The following EXOC4 variants were observed in gnomAD, a reference collection of about 807,000 sequenced individuals.
The protein encoded by EXOC4 is SEC8-like 1.
In EXOC4, 71 loss-of-function variants were observed where a neutral mutation model predicts 107.2. That is an observed-to-expected ratio of 0.66 (90% CI 0.55 to 0.81). EXOC4 has a LOEUF of 0.81. Among genes scored for constraint, EXOC4 ranks in the 30% least tolerant of loss-of-function variants. The probability of loss-of-function intolerance (pLI) is 0.00; values close to 1 mark genes in which losing one functional copy is unlikely to be tolerated. For missense variants in EXOC4, 1,108 were observed against 1,189.6 expected (o/e 0.93, Z 1.01); for synonymous variants, 456 against 441.2 (o/e 1.03, Z -0.42).
At chr7:134,097,272 C>T in the EXOC4 span, among the ~76,000 whole-genome samples, 1 of 151,952 alleles carries the variant, frequency 6.6e-6, no homozygotes, top group Non-Finnish European at 1.5e-5. Flanking sequence ...TCAACTGTCT[C>T]AGACTGTCTC....
chr7:133,375,349 G>A (rs1173891540), intron 7 of EXOC4, among the ~76,000 whole-genome samples: 5 of 152,012 alleles, frequency 3.3e-5, no homozygotes, highest in African/African-American at 7.2e-5. Flanking sequence ...GGTGGCGGGC[G>A]CCTGTAATCT....
intron 11 of EXOC4, among the ~76,000 whole-genome samples, chr7:133,878,300 G>A (rs1446379854): frequency 3.3e-5 from 5 of 152,176 alleles, no homozygotes; most frequent in African/African-American, 1.2e-4. Context: ...TAATTGTTAT[G>A]TGGCTTAAGT....
rs1163907424 is a variant in EXOC4 at position 133,363,604 on chromosome 7, A to T, written c.1007+7031A>T. Among the ~76,000 whole-genome samples the T allele has an allele frequency of 1.6e-4, 7 of 43,648 alleles. No individual in the cohort carries two copies. The East Asian group carries it at 4.8e-3, about 30-fold the overall frequency. The allele number at this position is 43,648 out of a possible 152,430, so 28.6% of individuals were successfully genotyped here. On this transcript the variant is annotated intron_variant, in intron 6 of 17. Coordinates refer to ENST00000253861, the MANE Select transcript of EXOC4 (RefSeq NM_021807.4). ...CTTAAACCTTTGTGTTTTATGTGGC[A>T]AAGTTAAAAAAAAAAAAAAAAAAAA...
intron 11 of EXOC4, among the ~76,000 whole-genome samples, chr7:133,842,078 T>C (rs1184679699): frequency 6.6e-6 from 1 of 152,220 alleles, no homozygotes; most frequent in African/African-American, 2.4e-5. Flanking sequence ...GTTGATTCCA[T>C]GTCTTTGCTA....
Position 133,505,532 on chromosome 7 carries a change from A to G in EXOC4, c.1417+25394A>G, listed in dbSNP as rs576909030. Among the ~76,000 whole-genome samples the G allele has an allele frequency of 2.6e-5, 4 of 152,282 alleles. No homozygotes were observed. In the East Asian group the frequency reaches 7.7e-4, roughly 29 times the overall value. ...TATTTTGTTTTAATGACATGAAACC[A>G]TAGCCATGAAAATTTTTCTAATGTA... On this transcript the variant is annotated intron_variant, in intron 9 of 17. Coordinates refer to ENST00000253861, the MANE Select transcript of EXOC4 (RefSeq NM_021807.4).
intron 14 of EXOC4, among the ~76,000 whole-genome samples, chr7:133,961,280 C>CTTTTTTTTTTTTTTTTTTTTTTTTTTTT (rs34400471): frequency 1.3e-5 from 1 of 77,012 alleles, no homozygotes. Flanking sequence ...TCATGTCAAA[C>CTTTTTTTTTTTTTTTTTTTTTTTTTTTT]TTTTTTTTTT....
chr7:133,354,670 G>A (rs1376845430), intron 5 of EXOC4, among the ~76,000 whole-genome samples: 4 of 152,080 alleles, frequency 2.6e-5, no homozygotes, highest in African/African-American at 9.7e-5. Context: ...AGCAATCAGC[G>A]ATCAGAGCAT....
intron 9 of EXOC4, among the ~76,000 whole-genome samples, chr7:133,508,783 G>T (rs1294477461): frequency 6.6e-6 from 1 of 152,138 alleles, no homozygotes; most frequent in African/African-American, 2.4e-5. Flanking sequence ...CTTCCAAACT[G>T]TTACTCCAAT....
chr7:133,804,415 G>T (rs1172569888), intron 10 of EXOC4, among the ~76,000 whole-genome samples: 3 of 152,158 alleles, frequency 2.0e-5, no homozygotes, highest in African/African-American at 4.8e-5. Context: ...AGTTAATCAA[G>T]TGATAGTAAA....
the EXOC4 span, among the ~76,000 whole-genome samples, chr7:134,074,628 C>G: frequency 1.3e-5 from 2 of 152,194 alleles, no homozygotes; most frequent in African/African-American, 4.8e-5. Context: ...ATGTCTGAGC[C>G]AGGACCAGCA....
chr7:133,467,991 C>A (rs1798774492), intron 7 of EXOC4, among the ~76,000 whole-genome samples: 1 of 151,828 alleles, frequency 6.6e-6, no homozygotes, highest in African/African-American at 2.4e-5. Context: ...ATTTTTGAGT[C>A]CTGGTTTTAT....
chr7:133,594,493 C>CTTGTTTTTTTTTTTTTTTTTT (rs1801618768), intron 9 of EXOC4, among the ~76,000 whole-genome samples: 1 of 90,356 alleles, frequency 1.1e-5, no homozygotes, highest in Non-Finnish European at 2.0e-5. Context: ...AAGCTTGAGT[C>CTTGTTTTTTTTTTTTTTTTTT]TTTTTTTTTT....
intron 17 of EXOC4, among the ~76,000 whole-genome samples, chr7:134,051,671 CAA>C (rs71172425): frequency 8.4e-5 from 9 of 107,744 alleles, no homozygotes; most frequent in East Asian, 5.6e-4. Flanking sequence ...GACTCCGTCT[CAA>C]AAAAAAAAAA....
chr7:133,353,957 A>G (rs1034589075), intron 5 of EXOC4, among the ~76,000 whole-genome samples: 1 of 151,596 alleles, frequency 6.6e-6, no homozygotes, highest in Non-Finnish European at 1.5e-5. Flanking sequence ...AGAATTTCTT[A>G]TTCTTTTTAT....
intron 11 of EXOC4, among the ~76,000 whole-genome samples, chr7:133,823,298 G>C (rs1486490072): frequency 6.6e-6 from 1 of 152,118 alleles, no homozygotes; most frequent in Non-Finnish European, 1.5e-5. Context: ...TGCAGACTTA[G>C]AGCAGTGATT....
chr7:133,660,242 A>G (rs1185039184), intron 10 of EXOC4, among the ~76,000 whole-genome samples: 1 of 150,774 alleles, frequency 6.6e-6, no homozygotes, highest in Non-Finnish European at 1.5e-5. Context: ...TCTGAGACTG[A>G]TTTAGTGTGG....
At chr7:133,354,406 A>G (rs1009672404) in intron 5 of EXOC4, among the ~76,000 whole-genome samples, 7 of 152,308 alleles carry the variant, frequency 4.6e-5, no homozygotes, top group African/African-American at 1.7e-4. Flanking sequence ...AAGCTTTTCT[A>G]AGCCTGCACC....
intron 11 of EXOC4, among the ~76,000 whole-genome samples, chr7:133,831,311 G>A (rs1382567857): frequency 6.6e-6 from 1 of 152,162 alleles, no homozygotes; most frequent in Non-Finnish European, 1.5e-5. Flanking sequence ...GTAGAATGTA[G>A]TTATGCTCTA....
intron 14 of EXOC4, among the ~76,000 whole-genome samples, chr7:133,948,745 C>A (rs1800614664): frequency 6.6e-6 from 1 of 152,156 alleles, no homozygotes; most frequent in Admixed American, 6.5e-5. Flanking sequence ...CCTTTATATT[C>A]TCAGTTTTAC....
Sources: gnomAD v4.1 joint callset for allele counts (sites outside exome capture counted in the v4.1 genomes callset) on GRCh38, gnomAD v4.1.1 for gene constraint, MANE v1.5 for transcripts, NCBI Gene and HGNC (gene_info 2026-07-23, HGNC 2026-07-21) for gene names.